Variants in UBD observed in about 807,000 individuals in gnomAD.
The protein encoded by UBD is ubiquitin like modifier D.
In UBD, 1 loss-of-function variant was observed where a neutral mutation model predicts 2.3. The ratio of observed to expected loss-of-function variants is 0.43; its 90% CI spans 0.15 to 2.06. UBD has a LOEUF of 2.06. Ranked by LOEUF, UBD falls within the 30% of genes most tolerant of loss-of-function variation. The pLI is 0.29. For missense variants in UBD, 175 were observed against 199.3 expected, an observed-to-expected ratio of 0.88 and a Z score of 0.73; for synonymous variants, 75 against 76.5, an observed-to-expected ratio of 0.98 and a Z score of 0.10.
rs769840774 is a variant in UBD at position 29,556,353 on chromosome 6, G to T, written c.28-3C>A. ...CATTCCTCGGAACGGACATGCACCTGGGAAGTGAAAGCCACAAGACAGTTA... is the reference window on the plus strand; with the variant it reads ...CATTCCTCGGAACGGACATGCACCTTGGAAGTGAAAGCCACAAGACAGTTA... On this transcript the variant is annotated splice_region_variant and splice_polypyrimidine_tract_variant and intron_variant, in intron 1 of 1. Transcript: ENST00000377050. 1 of 1,606,924 alleles carries T rather than the reference G, an allele frequency of 6.2e-7. No individual in the cohort carries two copies. The highest frequency in any genetic ancestry group is 8.5e-7 in the Non-Finnish European group (1 of 1,175,778).
chr6:29,557,197 C>T (rs187415631), intron 1 of UBD: 1 of 152,302 alleles, frequency 6.6e-6, no homozygotes, highest in Admixed American at 6.5e-5. Flanking sequence ...TGTTCTGCCA[C>T]AAAGTTTTTT....
chr6:29,556,114 C>T lies in UBD; in HGVS notation c.264G>A (p.Leu88=), dbSNP rs1762502144. The part of the protein sequence containing the change: ...LKVVKPSDEE[L]PLFLVESGDE... ...CACCTGACTCCACAAGAAACAAGGG[C>T]AGCTCCTCATCACTGGGCTTCACCA... The change falls in exon 2 of 2, where the codon CTG becomes CTA. Residue 88 remains leucine, a synonymous_variant. Transcript: ENST00000377050. 1 of 1,613,146 alleles carries T rather than the reference C, an allele frequency of 6.2e-7. No individual in the cohort carries two copies. Among genetic ancestry groups the T allele is most frequent in the Admixed American group, 1.7e-5 (1 of 60,032 alleles).
intron 1 of UBD, 73 bp downstream of exon 1, chr6:29,559,602 G>T: frequency 6.4e-7 from 1 of 1,564,414 alleles, no homozygotes; most frequent in South Asian, 1.1e-5. Flanking sequence ...CCCAGCCCCC[G>T]TTTCTAAGAT....
chr6:29,556,279 G>T lies in UBD; in HGVS notation c.99C>A (p.Ile33=), dbSNP rs967910438. ...TGGTCTTAGACCGGACATGTTCTTT[G>T]ATTTTTTTCACGCTGTCATATGGGT... ...DANPYDSVKK[I]KEHVRSKTKV... is the part of the protein sequence containing the mutation. Residue 33 remains isoleucine (I), a synonymous_variant, in exon 2 of 2, where the codon ATC becomes ATA. Coordinates refer to ENST00000377050, the MANE Select transcript of UBD (RefSeq NM_006398.4). 6.2e-7 allele frequency: 1 copy of T among 1,612,916 alleles called. No homozygotes were observed. The highest frequency in any genetic ancestry group is 8.5e-7 in the Non-Finnish European group (1 of 1,180,034).
At chr6:29,557,590 C>T (rs925510785) in intron 1 of UBD, 2 of 152,202 alleles carry the variant, frequency 1.3e-5, no homozygotes, top group East Asian at 3.8e-4. Flanking sequence ...TTCATTGCCT[C>T]TGCTATAACC....
rs1762514607 is a variant in UBD, at chr6:29,556,263, A to C, written c.115T>G (p.Ser39Ala). ...SVKKIKEHVR[S>A]KTKVPVQDQV... ...TCCTGCACAGGAACCTTGGTCTTAG[A>C]CCGGACATGTTCTTTGATTTTTTTC... The change falls in exon 2 of 2, where the codon TCT (serine) becomes GCT (alanine). Residue 39 changes from serine (S) to alanine (A), a missense_variant. By Grantham distance (99) the Ser-to-Ala change is moderately conservative (BLOSUM62 1). Transcript: ENST00000377050. The C allele has an allele frequency of 6.2e-7, 1 of 1,613,088 alleles. No individual in the cohort carries two copies. Among genetic ancestry groups the C allele is most frequent in the Non-Finnish European group, 8.5e-7 (1 of 1,180,026 alleles).
chr6:29,556,875 T>G (rs903485434), intron 1 of UBD: 1 of 155,006 alleles, frequency 6.5e-6, no homozygotes, highest in Non-Finnish European at 1.4e-5. Flanking sequence ...GAGAATCATT[T>G]GAATCCAGGA....
chr6:29,559,575 C>G (rs1265442151), intron 1 of UBD, 100 bp downstream of exon 1: 5 of 1,296,322 alleles, frequency 3.9e-6, no homozygotes, highest in Non-Finnish European at 5.5e-6. Flanking sequence ...CCCAGCCCCC[C>G]AGAGCCCTGA....
At chr6:29,556,809 T>G in intron 1 of UBD, 1 of 158,986 alleles carries the variant, frequency 6.3e-6, no homozygotes. Context: ...ATACAAAAAT[T>G]AGCCAGTAGT....
At position 29,555,869 on chromosome 6, in the gene UBD, G is replaced by T. The variant is rs444013; in HGVS notation, c.*11C>A. On this transcript the variant is annotated 3_prime_UTR_variant, in exon 2 of 2. Coordinates refer to ENST00000377050, the MANE Select transcript of UBD (RefSeq NM_006398.4). ...TTTTTGACCCCTGCCAACACCCCAT[G>T]CCCAGGGTGGTCACCCTCCAATACA... 6.2e-7 allele frequency: 1 copy of T among 1,607,580 alleles called. No individual in the cohort carries two copies. The highest frequency in any genetic ancestry group is 1.7e-5 in the Admixed American group (1 of 59,986).
At position 29,555,765 on chromosome 6, in the gene UBD, T is replaced by C. The variant is rs1762476333; in HGVS notation, c.*115A>G. ...CCTACCCATCCCACCCAAATCTTAC[T>C]CTACTCATCTCATTCTCATTAATTT... On this transcript the variant is annotated 3_prime_UTR_variant, in exon 2 of 2. Transcript: ENST00000377050. The C allele has an allele frequency of 5.2e-6, 4 of 770,784 alleles. No homozygotes were observed. Among genetic ancestry groups the C allele is most frequent in the Non-Finnish European group, 8.3e-6 (4 of 481,012 alleles). 47.7% of individuals were successfully genotyped at this position (770,784 alleles called of 1,614,324 possible).
Position 29,556,020 on chromosome 6 carries a change from C to T in UBD, c.358G>A (p.Glu120Lys), listed in dbSNP as rs17184290. The T allele has an allele frequency of 0.01, 16,354 of 1,613,112 alleles. 133 individuals are homozygous for T. Among genetic ancestry groups the T allele is most frequent in the Non-Finnish European group, 0.012 (14,678 of 1,180,044 alleles). ...SSVAQVKAMI[E>K]TKTGIIPETQ... ...TCAGGGATTATACCCGTCTTAGTCT[C>T]GATCATTGCTTTCACTTGTGCCACT... Residue 120 changes from glutamate (E) to lysine (K), a missense_variant, in exon 2 of 2, where the codon GAG (glutamate) becomes AAG (lysine). By Grantham distance (56) the Glu-to-Lys change is moderately conservative. Coordinates refer to ENST00000377050, the MANE Select transcript of UBD (RefSeq NM_006398.4).
chr6:29,558,572 G>A (rs1582869794), intron 1 of UBD, among the ~76,000 whole-genome samples: 2 of 152,286 alleles, frequency 1.3e-5, no homozygotes, highest in Admixed American at 6.5e-5. Flanking sequence ...GGCTCGAGGT[G>A]AGCTTTCGCT....
chr6:29,559,667 CAACTTACACAG>C lies in UBD; in HGVS notation c.24_27+7del. The C allele has an allele frequency of 6.2e-7, 1 of 1,612,990 alleles. No individual in the cohort carries two copies. Among genetic ancestry groups the C allele is most frequent in the Non-Finnish European group, 8.5e-7 (1 of 1,179,994 alleles). ...TTTCCCCATCCCCTTTATCAAATCC[CAACTTACACAG>C]AGGCAGGAAGCATTGGGAGCCATCT... On this transcript the variant is annotated splice_donor_variant and splice_donor_5th_base_variant and coding_sequence_variant and intron_variant, in exon 1 of 2. Coordinates refer to ENST00000377050, the MANE Select transcript of UBD (RefSeq NM_006398.4). LOFTEE classifies it high-confidence loss of function.
At chr6:29,556,696 C>A (rs1453449429) in intron 1 of UBD, 1 of 240,654 alleles carries the variant, frequency 4.2e-6, no homozygotes, top group African/African-American at 2.3e-5. Context: ...GTGGCTTACA[C>A]CTGTAATCCC....
intron 1 of UBD, among the ~76,000 whole-genome samples, chr6:29,558,913 G>C (rs2127310426): frequency 6.6e-6 from 1 of 152,330 alleles, no homozygotes; most frequent in East Asian, 1.9e-4. Flanking sequence ...CCACCATCTT[G>C]GAAGCGGCCT....
In UBD at chr6:29,559,729, A is replaced by G. The variant is rs1295309942; in HGVS notation, c.-28T>C. The G allele has an allele frequency of 6.2e-6, 10 of 1,612,664 alleles. No individual in the cohort carries two copies. The highest frequency in any genetic ancestry group is 8.5e-6 in the Non-Finnish European group (10 of 1,179,770). On this transcript the variant is annotated 5_prime_UTR_variant, in exon 1 of 2. Transcript: ENST00000377050. ...CTGCAGACAAGGGGCCAGAAACCAG[A>G]GACAGAAAAAGGACTTTGCATGCAG...
intron 1 of UBD, chr6:29,557,521 G>A (rs1280221219): frequency 2.0e-5 from 3 of 152,318 alleles, no homozygotes; most frequent in South Asian, 2.1e-4. Context: ...GTGACCATGG[G>A]TGGTATGTAA....
intron 1 of UBD, 95 bp downstream of exon 1, chr6:29,559,580 C>T: frequency 7.4e-7 from 1 of 1,356,644 alleles, no homozygotes; most frequent in Non-Finnish European, 1.0e-6. Context: ...CCCCCCAGAG[C>T]CCTGAGTACT....
Sources: gnomAD v4.1 joint callset for allele counts (sites outside exome capture counted in the v4.1 genomes callset) on GRCh38, gnomAD v4.1.1 for gene constraint, MANE v1.5 for transcripts, NCBI Gene and HGNC (gene_info 2026-07-23, HGNC 2026-07-21) for gene names.